Variants in PCDHA3 observed in about 807,000 individuals in gnomAD.
PCDHA3 encodes protocadherin alpha 3, also known as protocadherin alpha-3.
Under a neutral mutation model 62.2 loss-of-function variants are expected in PCDHA3, and 41 were observed. That is an observed-to-expected ratio of 0.66 (90% CI 0.51 to 0.86). PCDHA3 has a LOEUF of 0.86. Among genes scored for constraint, PCDHA3 ranks in the 40% least tolerant of loss-of-function variants. PCDHA3 has a pLI of 0.00. For synonymous variants in PCDHA3, 640 were observed against 555.4 expected, an observed-to-expected ratio of 1.15 and a Z score of -2.14; for missense variants, 1,304 against 1,241.2, an observed-to-expected ratio of 1.05 and a Z score of -0.76.
chr5:140,806,116 T>A (rs1554123539), intron 1 of PCDHA3, among the ~76,000 whole-genome samples: 1 of 152,196 alleles, frequency 6.6e-6, no homozygotes, highest in Non-Finnish European at 1.5e-5. Flanking sequence ...GGTTTGATCA[T>A]GACATTCTTC....
intron 1 of PCDHA3, among the ~76,000 whole-genome samples, chr5:140,912,818 A>T (rs2076075875): frequency 6.6e-6 from 1 of 152,052 alleles, no homozygotes; most frequent in South Asian, 2.1e-4. Context: ...TCATAAAGGG[A>T]TTTTGAATTT....
chr5:140,904,522 C>T (rs1241157884), intron 1 of PCDHA3, among the ~76,000 whole-genome samples: 1 of 151,956 alleles, frequency 6.6e-6, no homozygotes, highest in Admixed American at 6.6e-5. Flanking sequence ...CTGCTATAAA[C>T]TTGTGTGTTC....
chr5:140,843,412 C>A, intron 1 of PCDHA3: 3 of 1,596,066 alleles, frequency 1.9e-6, no homozygotes, highest in Non-Finnish European at 2.6e-6. Flanking sequence ...TGGATGTCAA[C>A]GTGTACCTGA....
At chr5:140,891,285 G>T (rs1402021884) in intron 1 of PCDHA3, among the ~76,000 whole-genome samples, 1 of 152,102 alleles carries the variant, frequency 6.6e-6, no homozygotes, top group South Asian at 2.1e-4. Flanking sequence ...GTTATTGGGG[G>T]TACAGGTGGT....
chr5:140,823,040 T>C (rs2150121625), intron 1 of PCDHA3: 2 of 1,614,210 alleles, frequency 1.2e-6, no homozygotes, highest in Admixed American at 1.7e-5. Context: ...GTCTATGAGC[T>C]GGTGGTGACC....
chr5:140,802,715 C>T lies in PCDHA3; in HGVS notation c.1518C>T (p.Ser506=). ...GGGTGGGGGAGCGCGCGCTGTCGAG[C>T]TACGTGTCGGTACACGCGGAGAGCG... ...ERRVGERALS[S]YVSVHAESGK... Residue 506 remains serine (S), a synonymous_variant, in exon 1 of 4, where the codon AGC becomes AGT. Transcript: ENST00000522353. 6.2e-7 allele frequency: 1 copy of T among 1,612,562 alleles called. No individual in the cohort carries two copies. The highest frequency in any genetic ancestry group is 8.5e-7 in the Non-Finnish European group (1 of 1,179,788).
chr5:140,808,357 G>A, intron 1 of PCDHA3: 1 of 1,614,204 alleles, frequency 6.2e-7, no homozygotes, highest in South Asian at 1.1e-5. Context: ...GCTCCTTGAC[G>A]TCCCACGTCC....
At chr5:140,923,221 TTTGAGCCCAGAA>T (rs1584298069) in intron 1 of PCDHA3, among the ~76,000 whole-genome samples, 1 of 71,862 alleles carries the variant, frequency 1.4e-5, no homozygotes, top group Non-Finnish European at 3.3e-5. Flanking sequence ...GAAAGGATCG[TTTGAGCCCAGAA>T]GTTTGAGACC....
chr5:140,814,613 T>C (rs1765552557), intron 1 of PCDHA3: 1 of 152,222 alleles, frequency 6.6e-6, no homozygotes, highest in Admixed American at 6.5e-5. Flanking sequence ...TCTTGTACTT[T>C]TATATAACTG....
chr5:140,846,457 C>T lies in PCDHA3; in HGVS notation c.2394+42866C>T, dbSNP rs111351744. Among the ~76,000 whole-genome samples the T allele has an allele frequency of 5.2e-3, 745 of 144,004 alleles. 43 individuals carry two copies. The highest frequency in any genetic ancestry group is 0.018 in the African/African-American group (687 of 39,152). 94.5% of individuals were successfully genotyped at this position (144,004 alleles called of 152,430 possible). On this transcript the variant is annotated intron_variant, in intron 1 of 3. Coordinates refer to ENST00000522353, the MANE Select transcript of PCDHA3 (RefSeq NM_018906.3). ...TGGCGCAATCTCGGCTCACTGCAAC[C>T]TCTGCCTCCCGGGTTCAAATGATTC...
At chr5:141,002,684 G>C (rs1432098268) in intron 3 of PCDHA3, among the ~76,000 whole-genome samples, 2 of 152,180 alleles carry the variant, frequency 1.3e-5, no homozygotes, top group Non-Finnish European at 2.9e-5. Context: ...TATACGACGT[G>C]CAGATTTGTT....
chr5:140,897,104 C>A (rs1474457154), intron 1 of PCDHA3, among the ~76,000 whole-genome samples: 1 of 152,116 alleles, frequency 6.6e-6, no homozygotes, highest in Non-Finnish European at 1.5e-5. Flanking sequence ...TTAAAAATCT[C>A]CACTTTCTGT....
intron 1 of PCDHA3, chr5:140,829,317 T>A (rs1327527947): frequency 6.2e-7 from 1 of 1,614,134 alleles, no homozygotes; most frequent in East Asian, 2.2e-5. Context: ...TCGTTGGTGC[T>A]GGACAGTGCC....
intron 1 of PCDHA3, chr5:140,863,034 A>T (rs782534693): frequency 1.8e-6 from 1 of 557,814 alleles, no homozygotes; most frequent in Non-Finnish European, 3.5e-6. Flanking sequence ...CAACAGCTGC[A>T]TCTGTCAGCT....
At chr5:140,854,065 G>T in intron 1 of PCDHA3, 1 of 276,218 alleles carries the variant, frequency 3.6e-6, no homozygotes, top group Non-Finnish European at 5.5e-6. Context: ...AGGAGGCTGA[G>T]GCGAGAGAAT....
At chr5:140,922,241 G>A (rs1314775680) in intron 1 of PCDHA3, among the ~76,000 whole-genome samples, 1 of 152,192 alleles carries the variant, frequency 6.6e-6, no homozygotes, top group Non-Finnish European at 1.5e-5. Context: ...TGATGTGTAT[G>A]AAGATAAGTT....
Position 140,883,115 on chromosome 5 carries a change from AGGCCTGTAT to A in PCDHA3, c.2394+79531_2394+79539del, listed in dbSNP as rs2059447979. The A allele has an allele frequency of 1.9e-6, 3 of 1,613,978 alleles. No homozygotes were observed. The South Asian group carries it at 3.3e-5, about 18-fold the overall frequency. ...TGGAGATATAGTTTACTCATTTAGA[AGGCCTGTAT>A]GGCCTGCAGTGGTATATGCATTTAC... On this transcript the variant is annotated intron_variant, in intron 1 of 3. Transcript: ENST00000522353.
chr5:140,803,097 A>C lies in PCDHA3; in HGVS notation c.1900A>C (p.Thr634Pro). The C allele has an allele frequency of 6.2e-7, 1 of 1,613,814 alleles. No homozygotes were observed. Among genetic ancestry groups the C allele is most frequent in the Non-Finnish European group, 8.5e-7 (1 of 1,179,928 alleles). Residue 634 changes from threonine (T) to proline (P), a missense_variant, in exon 1 of 4, where the codon ACC becomes CCC. Transcript: ENST00000522353. The stretch of plus-strand genomic sequence containing the variant: ...GCTGTACACGGGAGAGATCAGCACG[A>C]CCCGTGCCCTGGACGAGGTGGACGC... ...VGLYTGEIST[T>P]RALDEVDAPR...
In PCDHA3 at chr5:140,801,353, G is replaced by A; in HGVS notation, c.156G>A (p.Leu52=). The A allele has an allele frequency of 6.2e-7, 1 of 1,613,426 alleles. No homozygotes were observed. The highest frequency in any genetic ancestry group is 8.5e-7 in the Non-Finnish European group (1 of 1,179,940). The change falls in exon 1 of 4, where the codon CTG becomes CTA. Residue 52 remains leucine (L), a synonymous_variant. Transcript: ENST00000522353. ...GTFVGRIAQD[L]GLELAELVPR... is the part of the protein sequence containing the mutation. ...TCGTGGGCCGCATCGCGCAGGACCT[G>A]GGGCTGGAGCTGGCGGAGCTGGTGC...
Sources: allele counts gnomAD v4.1 joint callset (sites outside exome capture counted in the v4.1 genomes callset), GRCh38; gene constraint gnomAD v4.1.1; transcripts MANE v1.5; gene names NCBI Gene and HGNC (gene_info 2026-07-23, HGNC 2026-07-21).